The following NOX4 variants were observed in gnomAD, a reference collection of about 807,000 sequenced individuals.
NOX4 encodes kidney oxidase-1.
A neutral mutation model predicts 87.6 loss-of-function variants in NOX4; 69 were observed. That is an observed-to-expected ratio of 0.79 (90% CI 0.65 to 0.96). The LOEUF is 0.96. Among genes scored for constraint, NOX4 ranks in the 40% least tolerant of loss-of-function variants. The probability of loss-of-function intolerance (pLI) is 0.00; values close to 1 mark genes in which losing one functional copy is unlikely to be tolerated. For synonymous variants in NOX4, 275 were observed against 238.2 expected, an observed-to-expected ratio of 1.15 and a Z score of -1.42; for missense variants, 680 against 681.5, an observed-to-expected ratio of 1.00 and a Z score of 0.02.
upstream of NOX4, among the ~76,000 whole-genome samples, chr11:89,499,443 C>G (rs1030238957): frequency 6.6e-5 from 10 of 152,170 alleles, no homozygotes; most frequent in Non-Finnish European, 1.0e-4. Flanking sequence ...AACAGTGTGG[C>G]AAAGGTTTTA....
the NOX4 span, among the ~76,000 whole-genome samples, chr11:89,566,575 T>C: frequency 2.0e-5 from 3 of 152,066 alleles, no homozygotes; most frequent in African/African-American, 7.2e-5. Flanking sequence ...GTAGAAGACA[T>C]ATACATAAAA....
intron 12 of NOX4, among the ~76,000 whole-genome samples, chr11:89,361,601 A>G (rs545237746): frequency 6.6e-6 from 1 of 152,144 alleles, no homozygotes; most frequent in Admixed American, 6.6e-5. Context: ...CCCAAAAACT[A>G]TTGAAACAAA....
intron 2 of NOX4, among the ~76,000 whole-genome samples, chr11:89,467,903 T>A (rs1180013681): frequency 1.3e-5 from 2 of 152,206 alleles, no homozygotes; most frequent in African/African-American, 4.8e-5. Flanking sequence ...TTTGTATAGT[T>A]AATCATCGCA....
chr11:89,402,530 C>G lies in NOX4; in HGVS notation c.642G>C (p.Lys214Asn), dbSNP rs368154245. ...GGTGGGTATCTAAATTAGTTTGATA[C>G]TTCAGCAGCCCTCTAAAATTACATT... ...LTLHVSGGLL[K>N]YQTNLDTHPP... is the part of the protein sequence containing the mutation. The change falls in exon 9 of 18, where the codon AAG (lysine) becomes AAC (asparagine). Residue 214 changes from lysine (K) to asparagine (N), a missense_variant. Coordinates refer to ENST00000263317, the MANE Select transcript of NOX4 (RefSeq NM_016931.5). The G allele has an allele frequency of 1.2e-6, 2 of 1,610,586 alleles. No homozygotes were observed.
intron 11 of NOX4, among the ~76,000 whole-genome samples, chr11:89,389,394 G>A (rs1236895553): frequency 6.6e-6 from 1 of 152,124 alleles, no homozygotes; most frequent in Non-Finnish European, 1.5e-5. Flanking sequence ...AGTATGAAAA[G>A]CTTAATCTCC....
chr11:89,568,076 G>A, the NOX4 span, among the ~76,000 whole-genome samples: 18 of 152,258 alleles, frequency 1.2e-4, no homozygotes, highest in South Asian at 4.1e-4. Flanking sequence ...GACAGAGAAC[G>A]AAGTTATGGG....
the NOX4 span, among the ~76,000 whole-genome samples, chr11:89,525,252 T>C: frequency 6.6e-6 from 1 of 152,036 alleles, no homozygotes; most frequent in African/African-American, 2.4e-5. Flanking sequence ...TGGAATAGCT[T>C]GATCATATTG....
At chr11:89,483,863 A>C (rs1366538029) in intron 2 of NOX4, among the ~76,000 whole-genome samples, 1 of 152,164 alleles carries the variant, frequency 6.6e-6, no homozygotes, top group Non-Finnish European at 1.5e-5. Flanking sequence ...GTACACAATA[A>C]ATACAATTGG....
At chr11:89,454,777 A>G (rs932397350) in intron 2 of NOX4, among the ~76,000 whole-genome samples, 4 of 152,154 alleles carry the variant, frequency 2.6e-5, no homozygotes, top group African/African-American at 9.7e-5. Flanking sequence ...CATCCAATAC[A>G]GAACAGTCGC....
chr11:89,543,532 A>G, the NOX4 span, among the ~76,000 whole-genome samples: 9 of 152,250 alleles, frequency 5.9e-5, no homozygotes, highest in African/African-American at 2.2e-4. Flanking sequence ...AAAGCAATAT[A>G]TATTCCTGAC....
intron 13 of NOX4, among the ~76,000 whole-genome samples, chr11:89,354,247 TAA>T (rs1047671231): frequency 6.6e-6 from 1 of 152,134 alleles, no homozygotes; most frequent in African/African-American, 2.4e-5. Context: ...CACTAACAAT[TAA>T]AGAGAGTTAA....
chr11:89,469,412 T>C (rs528722498), intron 2 of NOX4, among the ~76,000 whole-genome samples: 9 of 152,316 alleles, frequency 5.9e-5, no homozygotes, highest in Admixed American at 4.6e-4. Context: ...GCATTGGTGT[T>C]TGTCTAAAAA....
At chr11:89,528,026 G>T in the NOX4 span, among the ~76,000 whole-genome samples, 1 of 152,336 alleles carries the variant, frequency 6.6e-6, no homozygotes, top group African/African-American at 2.4e-5. Flanking sequence ...CAGGGATGAA[G>T]CTGCCCAAGA....
chr11:89,415,657 T>C (rs1169599055), intron 8 of NOX4, among the ~76,000 whole-genome samples: 1 of 152,102 alleles, frequency 6.6e-6, no homozygotes, highest in Non-Finnish European at 1.5e-5. Context: ...CCTGAATCCA[T>C]TCAATTAGTC....
At chr11:89,344,796 G>C (rs1032863417) in intron 13 of NOX4, among the ~76,000 whole-genome samples, 1 of 152,076 alleles carries the variant, frequency 6.6e-6, no homozygotes, top group Non-Finnish European at 1.5e-5. Flanking sequence ...TTATATTAAG[G>C]GGGGATGACT....
At chr11:89,381,555 T>C (rs1940284944) in intron 11 of NOX4, among the ~76,000 whole-genome samples, 1 of 152,054 alleles carries the variant, frequency 6.6e-6, no homozygotes, top group Non-Finnish European at 1.5e-5. Flanking sequence ...CAAACCTATC[T>C]CCCTACCTTG....
At chr11:89,569,927 G>A in the NOX4 span, among the ~76,000 whole-genome samples, 1 of 151,628 alleles carries the variant, frequency 6.6e-6, no homozygotes, top group East Asian at 1.9e-4. Context: ...GCACGAACCT[G>A]GGAGGCGGAG....
intron 7 of NOX4, among the ~76,000 whole-genome samples, chr11:89,426,005 T>C (rs1182048968): frequency 2.0e-5 from 3 of 152,264 alleles, no homozygotes; most frequent in East Asian, 3.9e-4. Context: ...ATCAACACTA[T>C]AAATATTCTG....
intron 11 of NOX4, among the ~76,000 whole-genome samples, chr11:89,377,679 G>T (rs1190444681): frequency 6.6e-6 from 1 of 152,028 alleles, no homozygotes; most frequent in Non-Finnish European, 1.5e-5. Flanking sequence ...ATTACAAGCT[G>T]CATTTTTTGT....
Sources: allele counts gnomAD v4.1 joint callset (sites outside exome capture counted in the v4.1 genomes callset), GRCh38; gene constraint gnomAD v4.1.1; transcripts MANE v1.5; gene names NCBI Gene and HGNC (gene_info 2026-07-23, HGNC 2026-07-21).